The following PACSIN1 variants were observed in gnomAD, a reference collection of about 807,000 sequenced individuals.
PACSIN1 encodes the protein protein kinase C and casein kinase substrate in neurons 1, also known as protein kinase C and casein kinase substrate in neurons protein 1.
A neutral mutation model predicts 59.5 loss-of-function variants in PACSIN1; 15 were observed. The observed-to-expected ratio is 0.25, with a 90% CI of 0.17 to 0.39. The LOEUF is 0.39. PACSIN1 is among the 10% of genes least tolerant of loss of function. The probability of loss-of-function intolerance (pLI) is 1.00; values close to 1 mark genes in which losing one functional copy is unlikely to be tolerated. For synonymous variants in PACSIN1, 210 were observed against 220.6 expected (o/e 0.95, Z 0.42); for missense variants, 420 against 580.2 (o/e 0.72, Z 2.84).
intron 1 of PACSIN1, among the ~76,000 whole-genome samples, chr6:34,510,528 T>C (rs886688691): frequency 6.6e-5 from 10 of 152,186 alleles, no homozygotes; most frequent in African/African-American, 2.4e-4. Context: ...CTGCTTTCAA[T>C]GCGCTCAGCT....
chr6:34,467,512 C>T lies in PACSIN1; in HGVS notation c.-64+1242C>T, dbSNP rs140672301. Among the ~76,000 whole-genome samples the T allele has an allele frequency of 1.8e-4, 28 of 151,858 alleles. No homozygotes were observed. The East Asian group carries it at 5.4e-3, about 29-fold the overall frequency. On this transcript the variant is annotated intron_variant, in intron 1 of 9. Coordinates refer to ENST00000244458, the MANE Select transcript of PACSIN1 (RefSeq NM_020804.5). ...TCTCTATTCCCCAGGACCAAAGAGC[C>T]ACTCCACTCAAACCAGGTGGTTCTC...
At position 34,515,343 on chromosome 6, in the gene PACSIN1, G is replaced by A. The variant is rs1327463872; in HGVS notation, c.-63-10900G>A. On this transcript the variant is annotated intron_variant, in intron 1 of 9. Transcript: ENST00000244458. This position sits in a 1 kb window ranked among gnomAD's most constrained non-coding sequence, Gnocchi z 4.4. ...CACCACTGCCACAGGTCCTGACTTT[G>A]TAGCCATGCCCCCTCCTTGGGGCAG... 6.6e-6 allele frequency among the ~76,000 whole-genome samples: 1 copy of A among 152,138 alleles called. No individual in the cohort carries two copies. The highest frequency in any genetic ancestry group is 1.5e-5 in the Non-Finnish European group (1 of 68,004).
chr6:34,471,237 C>T (rs1766567832), intron 1 of PACSIN1, among the ~76,000 whole-genome samples: 1 of 152,176 alleles, frequency 6.6e-6, no homozygotes, highest in East Asian at 1.9e-4. Flanking sequence ...CATGAGCCAC[C>T]GCGCCTGGCC....
chr6:34,475,380 T>C (rs1766624947), intron 1 of PACSIN1, among the ~76,000 whole-genome samples: 1 of 152,258 alleles, frequency 6.6e-6, no homozygotes, highest in Non-Finnish European at 1.5e-5. Flanking sequence ...GTCTCAAGTC[T>C]GGTCTTCTAG....
intron 1 of PACSIN1, among the ~76,000 whole-genome samples, chr6:34,511,286 C>T (rs1419204345): frequency 6.6e-6 from 1 of 152,194 alleles, no homozygotes; most frequent in Non-Finnish European, 1.5e-5. Context: ...CTAGGAGTCT[C>T]ACACTCTGAT....
intron 3 of PACSIN1, 85 bp from the exon 4 acceptor site, chr6:34,528,556 AG>A: frequency 1.0e-6 from 1 of 980,040 alleles, no homozygotes; most frequent in Non-Finnish European, 1.6e-6. Context: ...ATGAGAGGAA[AG>A]GGAAAGCCTC....
chr6:34,495,475 C>T (rs1487010410), intron 1 of PACSIN1, among the ~76,000 whole-genome samples: 2 of 148,410 alleles, frequency 1.3e-5, no homozygotes, highest in Non-Finnish European at 1.5e-5. Context: ...TTTTTCCAGA[C>T]GGAGTCTCAC....
intron 1 of PACSIN1, among the ~76,000 whole-genome samples, chr6:34,501,925 G>A (rs751210228): frequency 3.3e-5 from 5 of 151,716 alleles, no homozygotes; most frequent in African/African-American, 4.8e-5. Flanking sequence ...CCAGCTATTC[G>A]GGAGGCTGAG....
chr6:34,508,656 T>G (rs1486104511), intron 1 of PACSIN1, among the ~76,000 whole-genome samples: 3 of 152,192 alleles, frequency 2.0e-5, no homozygotes, highest in Non-Finnish European at 4.4e-5. Flanking sequence ...AGTGTTCAAA[T>G]TTATCCACAT....
intron 1 of PACSIN1, among the ~76,000 whole-genome samples, chr6:34,496,533 G>A (rs1430620468): frequency 6.6e-6 from 1 of 152,266 alleles, no homozygotes; most frequent in African/African-American, 2.4e-5. Flanking sequence ...TGCGCTGGCT[G>A]GAGACGGGAG....
chr6:34,526,534 G>C (rs1179927209), intron 2 of PACSIN1, among the ~76,000 whole-genome samples, 166 bp downstream of exon 2: 2 of 152,222 alleles, frequency 1.3e-5, no homozygotes, highest in Admixed American at 6.5e-5. Flanking sequence ...AAGTGGCTAA[G>C]AGCACTGCCC....
At chr6:34,487,983 T>C (rs977870671) in intron 1 of PACSIN1, among the ~76,000 whole-genome samples, 1 of 152,136 alleles carries the variant, frequency 6.6e-6, no homozygotes. Flanking sequence ...TGGTCTCTTT[T>C]CCTGGGGAGG....
intron 1 of PACSIN1, among the ~76,000 whole-genome samples, chr6:34,509,970 T>C (rs1767173752): frequency 6.6e-6 from 1 of 152,270 alleles, no homozygotes; most frequent in African/African-American, 2.4e-5. Flanking sequence ...TGTAGTGGGA[T>C]CTTTTTCATT....
At chr6:34,473,510 C>G (rs569826761) in intron 1 of PACSIN1, among the ~76,000 whole-genome samples, 2 of 152,260 alleles carry the variant, frequency 1.3e-5, no homozygotes, top group East Asian at 3.9e-4. Context: ...TAATCTGGGC[C>G]TTCCCTGAGG....
intron 1 of PACSIN1, among the ~76,000 whole-genome samples, chr6:34,482,994 T>C (rs1010771218): frequency 7.0e-6 from 1 of 142,726 alleles, no homozygotes; most frequent in African/African-American, 2.7e-5. Flanking sequence ...GCCAACTCCA[T>C]GTTTAACTTT....
rs892350602 is a variant in PACSIN1 at position 34,529,179 on chromosome 6, G to A, written c.457-218G>A. ...CGGGCACTGCACTGCCTGACAGGAG[G>A]GTATCTGCAGGGGAGCAGGCAGTGC... is the stretch of plus-strand genomic sequence containing the variant. On this transcript the variant is annotated intron_variant, in intron 4 of 9. Transcript: ENST00000244458. This position sits in a 1 kb window ranked among gnomAD's most constrained non-coding sequence, Gnocchi z 6.3. 6.6e-6 allele frequency among the ~76,000 whole-genome samples: 1 copy of A among 152,010 alleles called. No individual in the cohort carries two copies. Among genetic ancestry groups the A allele is most frequent in the African/African-American group, 2.4e-5 (1 of 41,394 alleles).
intron 1 of PACSIN1, among the ~76,000 whole-genome samples, chr6:34,524,052 C>CCCT (rs1767442629): frequency 6.6e-6 from 1 of 152,172 alleles, no homozygotes; most frequent in African/African-American, 2.4e-5. Context: ...AGAGCAGGGA[C>CCCT]CCTGAGGTTG....
Position 34,529,868 on chromosome 6 carries a change from G to A in PACSIN1, c.788+27G>A. 1 of 1,605,238 alleles carries A rather than the reference G, an allele frequency of 6.2e-7. No individual in the cohort carries two copies. Among genetic ancestry groups the A allele is most frequent in the East Asian group, 2.2e-5 (1 of 44,580 alleles). The stretch of plus-strand genomic sequence containing the variant: ...TACCTGGGCATGGCAGGCACCGAGG[G>A]CACAGGCACAGCCAGCAGATGGTGT... On this transcript the variant is annotated intron_variant, in intron 6 of 9. Coordinates refer to ENST00000244458, the MANE Select transcript of PACSIN1 (RefSeq NM_020804.5). The surrounding 1 kb of genome is among the most constrained non-coding windows in gnomAD (Gnocchi z 6.3).
intron 1 of PACSIN1, among the ~76,000 whole-genome samples, chr6:34,479,915 T>C (rs1214346322): frequency 6.6e-6 from 1 of 152,064 alleles, no homozygotes; most frequent in Admixed American, 6.6e-5. Context: ...AACCTCCGCC[T>C]CCTGGGCTCA....
Sources: gnomAD v4.1 joint callset for allele counts (sites outside exome capture counted in the v4.1 genomes callset) on GRCh38, gnomAD v4.1.1 for gene constraint, Gnocchi (gnomAD v3.1) non-coding constraint, MANE v1.5 for transcripts, NCBI Gene and HGNC (gene_info 2026-07-23, HGNC 2026-07-21) for gene names.